TMEM232: variants seen among roughly 807,000 people sequenced by gnomAD.
TMEM232 encodes the protein transmembrane protein 232.
Under a neutral mutation model 78.8 loss-of-function variants are expected in TMEM232, and 80 were observed. The observed-to-expected ratio is 1.01, with a 90% confidence interval of 0.85 to 1.22. The LOEUF (loss-of-function observed/expected upper bound fraction) is 1.22, where lower values mean the gene tolerates loss of function less well. Ranked by LOEUF, TMEM232 falls within the 50% of genes most tolerant of loss-of-function variation. TMEM232 has a pLI of 0.00. For missense variants in TMEM232, 881 were observed against 742.2 expected, an observed-to-expected ratio of 1.19 and a Z score of -2.17; for synonymous variants, 297 against 254.3, an observed-to-expected ratio of 1.17 and a Z score of -1.60.
At chr5:110,511,345 T>C (rs1015665779) in intron 12 of TMEM232, among the ~76,000 whole-genome samples, 7 of 151,868 alleles carry the variant, frequency 4.6e-5, no homozygotes, top group African/African-American at 1.7e-4. Flanking sequence ...CTAATGTAGA[T>C]GATGGGTTGA....
At chr5:110,547,192 G>A (rs1296928148) in intron 11 of TMEM232, among the ~76,000 whole-genome samples, 1 of 152,132 alleles carries the variant, frequency 6.6e-6, no homozygotes, top group Non-Finnish European at 1.5e-5. Context: ...ATTTGTATAT[G>A]TGGCATTAGT....
At chr5:110,631,321 G>T (rs1191490954) in intron 5 of TMEM232, among the ~76,000 whole-genome samples, 1 of 152,160 alleles carries the variant, frequency 6.6e-6, no homozygotes, top group East Asian at 1.9e-4. Context: ...CACTGCCTCA[G>T]CAGTAGCACA....
At chr5:110,467,213 T>C (rs1324065665) in intron 12 of TMEM232, among the ~76,000 whole-genome samples, 2 of 152,172 alleles carry the variant, frequency 1.3e-5, no homozygotes, top group Admixed American at 6.6e-5. Context: ...AAAAAGGTTT[T>C]CAAAGGAACA....
chr5:110,501,737 C>T (rs1162035547), intron 12 of TMEM232, among the ~76,000 whole-genome samples: 4 of 152,114 alleles, frequency 2.6e-5, no homozygotes, highest in Admixed American at 2.6e-4. Flanking sequence ...ACAAAATGTT[C>T]ACTATGGAAA....
At chr5:110,653,420 G>A (rs1417956669) in intron 2 of TMEM232, among the ~76,000 whole-genome samples, 1 of 152,170 alleles carries the variant, frequency 6.6e-6, no homozygotes, top group Non-Finnish European at 1.5e-5. Flanking sequence ...TTAGTTATAA[G>A]CATTACTCTT....
At position 110,499,531 on chromosome 5, in the gene TMEM232, C is replaced by T. The variant is rs541714301; in HGVS notation, c.1703+29057G>A. Among the ~76,000 whole-genome samples the T allele has an allele frequency of 3.0e-4, 46 of 152,000 alleles. 1 individual carries two copies. Among genetic ancestry groups the T allele is most frequent in the African/African-American group, 1.1e-3 (46 of 41,410 alleles). ...TCAGCCTTCCAAAGTGCCAGGATTA[C>T]AGGCATGAGCCATCACGCCTGGCCA... On this transcript the variant is annotated intron_variant, in intron 12 of 13. Coordinates refer to ENST00000455884, the MANE Select transcript of TMEM232 (RefSeq NM_001039763.4).
intron 12 of TMEM232, among the ~76,000 whole-genome samples, chr5:110,464,445 G>A (rs563380290): frequency 6.6e-6 from 1 of 152,250 alleles, no homozygotes; most frequent in South Asian, 2.1e-4. Context: ...CTAGAATCTA[G>A]ACTTATGAAT....
chr5:110,606,347 CT>C (rs1458701619), intron 8 of TMEM232, 60 bp from the exon 9 acceptor site: 4 of 1,413,072 alleles, frequency 2.8e-6, no homozygotes, highest in Middle Eastern at 3.7e-4. Context: ...TAATAATCAA[CT>C]TTTAATGTGA....
At chr5:110,685,204 G>T (rs1793245802) in intron 1 of TMEM232, among the ~76,000 whole-genome samples, 1 of 152,056 alleles carries the variant, frequency 6.6e-6, no homozygotes, top group South Asian at 2.1e-4. Flanking sequence ...AACTTATGAT[G>T]TGCAAGAAAA....
chr5:110,704,137 T>C (rs1013237570), intron 1 of TMEM232, among the ~76,000 whole-genome samples: 4 of 152,116 alleles, frequency 2.6e-5, no homozygotes, highest in Non-Finnish European at 4.4e-5. Flanking sequence ...AGTGCACTGC[T>C]GAGCAATAAA....
At chr5:110,698,199 C>A (rs1324140883) in intron 1 of TMEM232, among the ~76,000 whole-genome samples, 1 of 151,896 alleles carries the variant, frequency 6.6e-6, no homozygotes, top group East Asian at 1.9e-4. Flanking sequence ...AAAAACCAAA[C>A]ACCGCATGTT....
At chr5:110,498,344 C>G (rs181875118) in intron 12 of TMEM232, among the ~76,000 whole-genome samples, 1 of 152,226 alleles carries the variant, frequency 6.6e-6, no homozygotes, top group East Asian at 1.9e-4. Flanking sequence ...TCTCACTGAA[C>G]AGAGGCTGTG....
chr5:110,644,778 GAATA>G (rs1787239474), intron 2 of TMEM232, among the ~76,000 whole-genome samples: 1 of 150,440 alleles, frequency 6.6e-6, no homozygotes, highest in African/African-American at 2.4e-5. Flanking sequence ...ATAAATTAAA[GAATA>G]AAAAACTAAA....
intron 12 of TMEM232, among the ~76,000 whole-genome samples, chr5:110,478,699 C>T (rs1763526900): frequency 6.6e-6 from 1 of 151,738 alleles, no homozygotes; most frequent in South Asian, 2.1e-4. Context: ...AGGGAATTAA[C>T]ACAATTTTCA....
At chr5:110,669,754 C>A in intron 1 of TMEM232, among the ~76,000 whole-genome samples, 1 of 152,166 alleles carries the variant, frequency 6.6e-6, no homozygotes, top group Admixed American at 6.5e-5. Flanking sequence ...CAAACTGAAT[C>A]CAGCAGCACA....
chr5:110,665,890 A>AC (rs1790507099), intron 2 of TMEM232, among the ~76,000 whole-genome samples: 2 of 123,534 alleles, frequency 1.6e-5, no homozygotes, highest in Admixed American at 1.7e-4. Context: ...CCCCATCTCC[A>AC]CAAAAAAAAA....
At chr5:110,403,459 C>A (rs190422297) in intron 2 of TMEM232, among the ~76,000 whole-genome samples, 1 of 151,976 alleles carries the variant, frequency 6.6e-6, no homozygotes, top group Admixed American at 6.6e-5. Flanking sequence ...TGTGCAGCTT[C>A]GGCTATCCAT....
intron 12 of TMEM232, among the ~76,000 whole-genome samples, chr5:110,497,564 C>T (rs1156711821): frequency 2.0e-5 from 3 of 152,102 alleles, no homozygotes; most frequent in Non-Finnish European, 4.4e-5. Flanking sequence ...AAATTTCACA[C>T]AAAAATCCAT....
chr5:110,703,186 G>A (rs527269756), intron 1 of TMEM232, among the ~76,000 whole-genome samples: 49 of 152,084 alleles, frequency 3.2e-4, no homozygotes, highest in African/African-American at 1.1e-3. Flanking sequence ...AAGGAGCTCC[G>A]TGAAACTCAA....
Sources: allele counts gnomAD v4.1 joint callset (sites outside exome capture counted in the v4.1 genomes callset), GRCh38; gene constraint gnomAD v4.1.1; transcripts MANE v1.5; gene names NCBI Gene and HGNC (gene_info 2026-07-23, HGNC 2026-07-21).